PACS1: variants seen among roughly 807,000 people sequenced by gnomAD.
PACS1 encodes the protein PACS-1.
PACS1 carries 24 observed loss-of-function variants against 115.0 expected under a neutral mutation model. The observed-to-expected ratio is 0.21, with a 90% CI of 0.15 to 0.29. The LOEUF (loss-of-function observed/expected upper bound fraction) is 0.29. Ranked by LOEUF, PACS1 falls within the 10% of genes least tolerant of loss-of-function variation. The pLI, the probability that PACS1 is intolerant of heterozygous loss-of-function variation, is 1.00. For missense variants in PACS1, 838 were observed against 1,251.2 expected (o/e 0.67, Z 4.98); for synonymous variants, 453 against 504.5 (o/e 0.90, Z 1.37).
At chr11:66,145,521 C>T (rs754223030) in intron 1 of PACS1, among the ~76,000 whole-genome samples, 2 of 152,138 alleles carry the variant, frequency 1.3e-5, no homozygotes, top group Non-Finnish European at 2.9e-5. Flanking sequence ...TAACAGAGAT[C>T]CTGGAAATGA....
chr11:66,102,753 G>GT lies in PACS1; in HGVS notation c.356+31913dup, dbSNP rs548838707. Among the ~76,000 whole-genome samples, 171 of 152,232 alleles carry GT rather than the reference G, an allele frequency of 1.1e-3. 1 individual carries two copies. The highest frequency in any genetic ancestry group is 1.9e-3 in the Non-Finnish European group (128 of 68,014). On this transcript the variant is annotated intron_variant, in intron 1 of 23. Transcript: ENST00000320580. The stretch of plus-strand genomic sequence containing the variant: ...GGCTGTAGGAAAATTGAGGGAAATG[G>GT]TTGTTATTTTCTCTTTGTAGGTTGG...
intron 1 of PACS1, among the ~76,000 whole-genome samples, chr11:66,120,148 CTTTTTTTTT>C (rs367965167): frequency 8.9e-5 from 12 of 135,324 alleles, no homozygotes; most frequent in Non-Finnish European, 1.4e-4. Context: ...TCTGTGAACT[CTTTTTTTTT>C]TTTTTTTTGA....
At chr11:66,114,065 C>A (rs2134549664) in intron 1 of PACS1, among the ~76,000 whole-genome samples, 1 of 152,038 alleles carries the variant, frequency 6.6e-6, no homozygotes, top group East Asian at 1.9e-4. Context: ...GATACATAGA[C>A]ATTGTTTACG....
chr11:66,143,887 G>A (rs776473961), intron 1 of PACS1, among the ~76,000 whole-genome samples: 26 of 152,152 alleles, frequency 1.7e-4, no homozygotes, highest in Admixed American at 1.3e-3. Context: ...TGATCTGCCC[G>A]CCTTGGCCTC....
intron 2 of PACS1, among the ~76,000 whole-genome samples, chr11:66,204,906 C>T (rs1854898764): frequency 6.6e-6 from 1 of 152,098 alleles, no homozygotes; most frequent in African/African-American, 2.4e-5. Context: ...CTTTGGGAGG[C>T]TGAGGTAGGA....
At chr11:66,123,801 G>A (rs1047561138) in intron 1 of PACS1, among the ~76,000 whole-genome samples, 2 of 151,068 alleles carry the variant, frequency 1.3e-5, no homozygotes, top group South Asian at 2.1e-4. Flanking sequence ...GATTACAGGC[G>A]TGAGCCACCG....
intron 1 of PACS1, among the ~76,000 whole-genome samples, chr11:66,134,535 G>A (rs1470840444): frequency 6.6e-6 from 1 of 150,892 alleles, no homozygotes; most frequent in African/African-American, 2.4e-5. Context: ...ACAAATATAG[G>A]GACAGATGGG....
intron 1 of PACS1, among the ~76,000 whole-genome samples, chr11:66,092,133 CA>C (rs1286274410): frequency 6.6e-6 from 1 of 152,114 alleles, no homozygotes; most frequent in East Asian, 1.9e-4. Flanking sequence ...TTTACAGTCC[CA>C]CCAACAGTGT....
Position 66,216,587 on chromosome 11 carries a change from C to T in PACS1, c.873C>T (p.Gly291=). 1.2e-6 allele frequency: 2 copies of T among 1,613,820 alleles called. No individual in the cohort carries two copies. Among genetic ancestry groups the T allele is most frequent in the Non-Finnish European group, 1.7e-6 (2 of 1,179,676 alleles). The change falls in exon 6 of 24, where the codon GGC becomes GGT. Residue 291 remains glycine (G), a synonymous_variant. Coordinates refer to ENST00000320580, the MANE Select transcript of PACS1 (RefSeq NM_018026.4). The part of the protein sequence containing the change: ...EEESFSSEQE[G]SDDPLHGQDL... Reference sequence around the variant, plus strand: ...AGAGTTTCTCATCAGAACAGGAAGGCAGTGATGATCCATTGCATGGGCAGG... The same window carrying T: ...AGAGTTTCTCATCAGAACAGGAAGGTAGTGATGATCCATTGCATGGGCAGG...
intron 1 of PACS1, among the ~76,000 whole-genome samples, chr11:66,092,835 A>G (rs1276213746): frequency 6.6e-6 from 1 of 152,036 alleles, no homozygotes; most frequent in Non-Finnish European, 1.5e-5. Flanking sequence ...ATAGTTGTAG[A>G]TATGCGGCGT....
chr11:66,209,746 T>C (rs1855027051), intron 2 of PACS1, among the ~76,000 whole-genome samples: 1 of 151,656 alleles, frequency 6.6e-6, no homozygotes, highest in African/African-American at 2.4e-5. Context: ...CTACTAAAAA[T>C]ACAAAAAAAT....
At chr11:66,119,633 G>A (rs749141831) in intron 1 of PACS1, among the ~76,000 whole-genome samples, 6 of 152,208 alleles carry the variant, frequency 3.9e-5, no homozygotes, top group Non-Finnish European at 5.9e-5. Flanking sequence ...TAATTCAGGC[G>A]GATCTCAGTG....
chr11:66,232,926 C>T (rs1855628136), intron 14 of PACS1, 34 bp from the exon 15 acceptor site: 1 of 1,498,170 alleles, frequency 6.7e-7, no homozygotes, highest in Non-Finnish European at 9.3e-7. Context: ...TGTGTTCTCA[C>T]CTGTGTCCCT....
chr11:66,082,769 C>T (rs756394969), intron 1 of PACS1, among the ~76,000 whole-genome samples: 10 of 152,130 alleles, frequency 6.6e-5, no homozygotes, highest in Non-Finnish European at 1.0e-4. Flanking sequence ...ACAGGAGAAT[C>T]GCTTGAACCC....
intron 1 of PACS1, among the ~76,000 whole-genome samples, chr11:66,079,566 C>T (rs1857450408): frequency 6.6e-6 from 1 of 152,070 alleles, no homozygotes; most frequent in African/African-American, 2.4e-5. Context: ...TAGTCCTTCC[C>T]AGAAAGTAAC....
At chr11:66,221,642 CA>C (rs34313657) in intron 10 of PACS1, 1,221 of 101,606 alleles carry the variant, frequency 0.012, 16 homozygotes, top group African/African-American at 0.032. Flanking sequence ...GAGATTCCCT[CA>C]AAAAAAAAAA....
At chr11:66,220,838 C>T in intron 9 of PACS1, 47 bp downstream of exon 9, 2 of 1,592,538 alleles carry the variant, frequency 1.3e-6, no homozygotes, top group Non-Finnish European at 1.7e-6. Flanking sequence ...CCTTCCTGGC[C>T]ATAGCAGTCT....
chr11:66,082,389 ATTAT>A (rs1191350629), intron 1 of PACS1, among the ~76,000 whole-genome samples: 1 of 151,946 alleles, frequency 6.6e-6, no homozygotes, highest in African/African-American at 2.4e-5. Context: ...TAATTTTTAA[ATTAT>A]TTATAGAGAT....
chr11:66,080,965 A>C (rs1857466570), intron 1 of PACS1, among the ~76,000 whole-genome samples: 1 of 152,130 alleles, frequency 6.6e-6, no homozygotes. Context: ...GTGGTGGCTC[A>C]TACTTATAAC....
Sources: allele counts gnomAD v4.1 joint callset (sites outside exome capture counted in the v4.1 genomes callset), GRCh38; gene constraint gnomAD v4.1.1; transcripts MANE v1.5; gene names NCBI Gene and HGNC (gene_info 2026-07-23, HGNC 2026-07-21).